The following RTN4 variants were observed in gnomAD, a reference collection of about 807,000 sequenced individuals.
RTN4 encodes the protein reticulon-4.
A neutral mutation model predicts 90.4 loss-of-function variants in RTN4; 32 were observed. That is an observed-to-expected ratio of 0.35 (90% CI 0.27 to 0.48). The LOEUF (loss-of-function observed/expected upper bound fraction) is 0.48, where lower values mean the gene tolerates loss of function less well. Ranked by LOEUF, RTN4 falls within the 20% of genes least tolerant of loss-of-function variation. RTN4 has a pLI of 0.99. For synonymous variants in RTN4, 629 were observed against 552.5 expected, an observed-to-expected ratio of 1.14 and a Z score of -1.94; for missense variants, 1,706 against 1,430.2, an observed-to-expected ratio of 1.19 and a Z score of -3.11.
chr2:55,103,263 T>C (rs2105058451), intron 1 of RTN4, among the ~76,000 whole-genome samples: 1 of 152,084 alleles, frequency 6.6e-6, no homozygotes, highest in East Asian at 1.9e-4. Flanking sequence ...ATGTGGAACC[T>C]AAAAAAGTCG....
At chr2:55,122,392 A>G in the RTN4 span, among the ~76,000 whole-genome samples, 1 of 152,212 alleles carries the variant, frequency 6.6e-6, no homozygotes, top group Non-Finnish European at 1.5e-5. Context: ...GTTTGCACAC[A>G]TGGCCCTGAC....
chr2:54,987,646 A>C lies in RTN4; in HGVS notation c.3066T>G (p.Gly1022=). The C allele has an allele frequency of 6.2e-7, 1 of 1,614,226 alleles. No individual in the cohort carries two copies. The highest frequency in any genetic ancestry group is 8.5e-7 in the Non-Finnish European group (1 of 1,180,022). The change falls in exon 4 of 9, where the codon GGT becomes GGG. Residue 1022 remains glycine, a synonymous_variant. Coordinates refer to ENST00000337526, the MANE Select transcript of RTN4 (RefSeq NM_020532.5). ...ATGAAAGCAGCAGGAATAGGCTGGC[A>C]CCAAACACCACTCCAGTCTTCTTAA... ...RDIKKTGVVF[G]ASLFLLLSLT...
At chr2:55,008,141 A>T (rs1410855087) in intron 3 of RTN4, among the ~76,000 whole-genome samples, 1 of 131,732 alleles carries the variant, frequency 7.6e-6, no homozygotes, top group African/African-American at 2.9e-5. Flanking sequence ...ATCGGCAAGC[A>T]AACACACACA....
chr2:55,035,721 G>C (rs903927346), intron 1 of RTN4, among the ~76,000 whole-genome samples: 2 of 152,100 alleles, frequency 1.3e-5, no homozygotes, highest in East Asian at 1.9e-4. Context: ...CTGAGAGACA[G>C]AGAGAGGAAG....
chr2:55,032,855 C>T (rs1203932727), intron 1 of RTN4, among the ~76,000 whole-genome samples: 2 of 151,764 alleles, frequency 1.3e-5, no homozygotes, highest in Non-Finnish European at 2.9e-5. Context: ...ACAGTGAGAC[C>T]CTATCTCTAC....
Position 55,050,292 on chromosome 2 carries a change from G to T in RTN4, c.9C>A (p.Asp3Glu). ME[D>E]LDQSPLVSSS... ...ACGAGACCAGAGGAGACTGGTCCAG[G>T]TCTTCCATGGCTGGAGGGTGGAGAT... Residue 3 changes from aspartate to glutamate, a missense_variant, in exon 1 of 9, where the codon GAC becomes GAA. Asp to Glu is a conservative substitution (Grantham distance 45, BLOSUM62 2). Transcript: ENST00000337526. This position sits in a 1 kb window ranked among gnomAD's most constrained non-coding sequence, Gnocchi z 4.6. The T allele has an allele frequency of 6.9e-7, 1 of 1,444,044 alleles. No homozygotes were observed. The highest frequency in any genetic ancestry group is 9.1e-7 in the Non-Finnish European group (1 of 1,098,230). 89.5% of individuals were successfully genotyped at this position (1,444,044 alleles called of 1,614,324 possible). A position where few individuals can be genotyped will look rare whatever the true frequency, so the allele number is the denominator to read the frequency against.
intron 1 of RTN4, among the ~76,000 whole-genome samples, chr2:55,086,834 T>C (rs950380611): frequency 6.6e-6 from 1 of 151,574 alleles, no homozygotes; most frequent in Non-Finnish European, 1.5e-5. Context: ...AATTTATTTT[T>C]TTTTTTTTGT....
At chr2:55,078,704 T>A (rs1668648036) in intron 2 of RTN4, among the ~76,000 whole-genome samples, 1 of 152,184 alleles carries the variant, frequency 6.6e-6, no homozygotes, top group African/African-American at 2.4e-5. Flanking sequence ...ACAATGTTTG[T>A]AAACACAGAG....
At chr2:55,075,498 GA>G (rs762900942) in intron 2 of RTN4, among the ~76,000 whole-genome samples, 6 of 152,102 alleles carry the variant, frequency 3.9e-5, no homozygotes, top group Non-Finnish European at 7.4e-5. Flanking sequence ...TCAATATTGT[GA>G]AAATGACCAT....
At chr2:55,078,229 T>C (rs1357887172) in intron 2 of RTN4, among the ~76,000 whole-genome samples, 2 of 152,142 alleles carry the variant, frequency 1.3e-5, no homozygotes, top group Admixed American at 6.5e-5. Flanking sequence ...AGTTTTATCA[T>C]ATTATTTTTA....
chr2:55,049,576 C>T (rs1004517684), intron 1 of RTN4, 169 bp downstream of exon 1: 5 of 1,129,384 alleles, frequency 4.4e-6, no homozygotes, highest in Admixed American at 2.0e-5. Flanking sequence ...CAAGGGCCGC[C>T]CCACCCTTCT....
At chr2:54,993,075 G>GAAA (rs61127530) in intron 3 of RTN4, among the ~76,000 whole-genome samples, 2 of 64,658 alleles carry the variant, frequency 3.1e-5, no homozygotes, top group African/African-American at 9.6e-5. Context: ...CTCCATCTCG[G>GAAA]AAAAAAAAAA....
At chr2:55,133,582 G>T in the RTN4 span, among the ~76,000 whole-genome samples, 7 of 152,138 alleles carry the variant, frequency 4.6e-5, no homozygotes, top group Admixed American at 3.3e-4. Flanking sequence ...AGGCTGTAAG[G>T]TACCCTTGAG....
chr2:55,046,865 A>G (rs1260700757), intron 1 of RTN4: 1 of 152,072 alleles, frequency 6.6e-6, no homozygotes, highest in Admixed American at 6.5e-5. Flanking sequence ...GAATTAGGGA[A>G]CTCTGTAGAA....
intron 1 of RTN4, among the ~76,000 whole-genome samples, chr2:55,029,216 G>C (rs1171154145): frequency 6.6e-6 from 1 of 152,146 alleles, no homozygotes; most frequent in East Asian, 1.9e-4. Flanking sequence ...GCCTCAAAAA[G>C]AAATCTACCT....
At chr2:55,052,600 TTTGG>T (rs1306955383), upstream of RTN4, among the ~76,000 whole-genome samples, 1 of 152,110 alleles carries the variant, frequency 6.6e-6, no homozygotes, top group African/African-American at 2.4e-5. Flanking sequence ...GATGTAGAAT[TTTGG>T]GGCGGGAAGT....
At position 55,049,958 on chromosome 2, in the gene RTN4, A is replaced by T; in HGVS notation, c.343T>A (p.Ser115Thr). ...AGCGGGGATGGCGCGGGCACGGTCG[A>T]CGACACCGGGCTCGGGTCCCAAGAC... is the stretch of plus-strand genomic sequence containing the variant. ...QPSWDPSPVS[S>T]TVPAPSPLSA... Residue 115 changes from serine (S) to threonine (T), a missense_variant, in exon 1 of 9, where the codon TCG becomes ACG. Coordinates refer to ENST00000337526, the MANE Select transcript of RTN4 (RefSeq NM_020532.5). The T allele has an allele frequency of 1.5e-6, 2 of 1,364,386 alleles. No individual in the cohort carries two copies. The highest frequency in any genetic ancestry group is 1.9e-6 in the Non-Finnish European group (2 of 1,066,002). The allele number at this position is 1,364,386 out of a possible 1,614,324, so 84.5% of individuals were successfully genotyped here.
chr2:55,001,509 T>C (rs1573348129), intron 3 of RTN4, among the ~76,000 whole-genome samples: 1 of 152,302 alleles, frequency 6.6e-6, no homozygotes, highest in East Asian at 1.9e-4. Flanking sequence ...TAAGTAATCT[T>C]CAAAATTAAT....
At chr2:54,998,901 A>AGAATATACTGC (rs1342042660) in intron 3 of RTN4, among the ~76,000 whole-genome samples, 1 of 152,182 alleles carries the variant, frequency 6.6e-6, no homozygotes, top group Non-Finnish European at 1.5e-5. Flanking sequence ...TTGGTTCCTC[A>AGAATATACTGC]AGTCTCCTTC....
Sources: allele counts gnomAD v4.1 joint callset (sites outside exome capture counted in the v4.1 genomes callset), GRCh38; gene constraint gnomAD v4.1.1; non-coding constraint Gnocchi (gnomAD v3.1); transcripts MANE v1.5; gene names NCBI Gene and HGNC (gene_info 2026-07-23, HGNC 2026-07-21).